CNRIP1: variants seen among roughly 807,000 people sequenced by gnomAD.
The protein encoded by CNRIP1 is cannabinoid receptor interacting protein 1.
Under a neutral mutation model 15.2 loss-of-function variants are expected in CNRIP1, and 10 were observed. That is an observed-to-expected ratio of 0.66 (90% CI 0.41 to 1.12). The LOEUF is 1.12. CNRIP1 is among the 50% of genes most tolerant of loss of function. The pLI, the probability that CNRIP1 is intolerant of heterozygous loss-of-function variation, is 0.00. For synonymous variants in CNRIP1, 91 were observed against 83.2 expected, an observed-to-expected ratio of 1.09 and a Z score of -0.51; for missense variants, 211 against 214.7, an observed-to-expected ratio of 0.98 and a Z score of 0.11.
At chr2:68,314,917 A>G (rs776111195) in intron 2 of CNRIP1, among the ~76,000 whole-genome samples, 5 of 152,100 alleles carry the variant, frequency 3.3e-5, no homozygotes, top group Non-Finnish European at 5.9e-5. Flanking sequence ...TGAGACCATA[A>G]GAGTTCAGAT....
At chr2:68,301,005 T>C (rs1558663883) in intron 2 of CNRIP1, among the ~76,000 whole-genome samples, 1 of 152,228 alleles carries the variant, frequency 6.6e-6, no homozygotes. Context: ...CAATTCCACA[T>C]AAATTCTTTC....
chr2:68,298,142 T>TCAAA (rs1490725734), intron 2 of CNRIP1, among the ~76,000 whole-genome samples: 3 of 152,292 alleles, frequency 2.0e-5, no homozygotes, highest in Non-Finnish European at 4.4e-5. Flanking sequence ...AGTGGTGGTA[T>TCAAA]GTATAAATCA....
chr2:68,284,205 C>T (rs1670972313), exon 3 of CNRIP1: 1 of 360,096 alleles, frequency 2.8e-6, no homozygotes, highest in South Asian at 5.6e-5. Flanking sequence ...ATAAGAATCA[C>T]CTAAAGTGCT....
intron 2 of CNRIP1, among the ~76,000 whole-genome samples, chr2:68,308,075 C>A (rs1558667083): frequency 6.6e-6 from 1 of 152,022 alleles, no homozygotes; most frequent in Non-Finnish European, 1.5e-5. Flanking sequence ...TGGCTGTAGT[C>A]CCAGCTATTC....
At chr2:68,298,018 A>G (rs1416055273) in intron 2 of CNRIP1, among the ~76,000 whole-genome samples, 1 of 152,182 alleles carries the variant, frequency 6.6e-6, no homozygotes, top group African/African-American at 2.4e-5. Context: ...TAAATGGTGA[A>G]ATGGATTTAT....
rs372856314 is a variant in CNRIP1, at chr2:68,287,134, C to A, written c.331-2650G>T. 3.3e-4 allele frequency among the ~76,000 whole-genome samples: 51 copies of A among 152,308 alleles called. 1 individual carries two copies. In the East Asian group the frequency reaches 8.9e-3, roughly 26 times the overall value. On this transcript the variant is annotated intron_variant, in intron 2 of 2. Coordinates refer to the CNRIP1 transcript ENST00000409559. ...AATCCATATTGTGACTTCTAACTTT[C>A]TCTGGCAGGAAATGATTTCTTAGAA...
chr2:68,284,508 T>TAA, intron 2 of CNRIP1: 1 of 1,512,970 alleles, frequency 6.6e-7, no homozygotes, highest in Non-Finnish European at 8.9e-7. Flanking sequence ...GATACCAGAA[T>TAA]AAGTTTGAGA....
chr2:68,305,465 T>C (rs1245462457), intron 2 of CNRIP1, among the ~76,000 whole-genome samples: 1 of 151,594 alleles, frequency 6.6e-6, no homozygotes, highest in Non-Finnish European at 1.5e-5. Flanking sequence ...ATGTCATCAG[T>C]GTGGGTGCCT....
chr2:68,299,331 C>T (rs1326354650), intron 2 of CNRIP1, among the ~76,000 whole-genome samples: 5 of 152,090 alleles, frequency 3.3e-5, no homozygotes, highest in African/African-American at 1.2e-4. Flanking sequence ...CCTCCTCCAA[C>T]CCCAATTCAT....
At chr2:68,290,868 A>G (rs1336338485), downstream of CNRIP1, among the ~76,000 whole-genome samples, 2 of 152,204 alleles carry the variant, frequency 1.3e-5, no homozygotes, top group African/African-American at 4.8e-5. Flanking sequence ...AGGCATTTCT[A>G]TTCTTCCACC....
chr2:68,317,000 C>G, intron 2 of CNRIP1, 157 bp downstream of exon 2: 1 of 881,128 alleles, frequency 1.1e-6, no homozygotes, highest in Non-Finnish European at 1.9e-6. Flanking sequence ...TTAAGTAGTT[C>G]TCTCTCCAGC....
At chr2:68,296,904 G>C (rs1671384703) in intron 2 of CNRIP1, among the ~76,000 whole-genome samples, 1 of 152,092 alleles carries the variant, frequency 6.6e-6, no homozygotes. Flanking sequence ...CTCCCAAAGT[G>C]CTGGCGTGAG....
chr2:68,294,036 G>T lies in CNRIP1; in HGVS notation c.331-10C>A. 1.2e-6 allele frequency: 2 copies of T among 1,612,570 alleles called. No homozygotes were observed. Among genetic ancestry groups the T allele is most frequent in the Non-Finnish European group, 8.5e-7 (1 of 1,178,950 alleles). ...TCCCAATGTCTGTGAACTGAGGGAA[G>T]AGAAACATGCCTGATAAAAAACCTC... On this transcript the variant is annotated splice_polypyrimidine_tract_variant and intron_variant, in intron 2 of 2. Transcript: ENST00000263655.
chr2:68,287,949 A>G (rs1024883628), intron 2 of CNRIP1, among the ~76,000 whole-genome samples: 4 of 152,198 alleles, frequency 2.6e-5, no homozygotes, highest in African/African-American at 9.6e-5. Flanking sequence ...AGAATTCAGA[A>G]ACTTTTTTCT....
chr2:68,310,956 T>A (rs926736757), intron 2 of CNRIP1, among the ~76,000 whole-genome samples: 1 of 151,956 alleles, frequency 6.6e-6, no homozygotes, highest in East Asian at 1.9e-4. Flanking sequence ...GAAGAATCAG[T>A]GAACTTAAGG....
Position 68,293,695 on chromosome 2 carries a change from T to C in CNRIP1, c.*167A>G. On this transcript the variant is annotated 3_prime_UTR_variant, in exon 3 of 3. Transcript: ENST00000263655. ...ACATCACCATCTTGTATGTGAGGGATATTGTGTCAGAGGGGAATTACACTT... is the reference window on the plus strand; with the variant it reads ...ACATCACCATCTTGTATGTGAGGGACATTGTGTCAGAGGGGAATTACACTT... 1 of 1,387,826 alleles carries C rather than the reference T, an allele frequency of 7.2e-7. No homozygotes were observed. Among genetic ancestry groups the C allele is most frequent in the Non-Finnish European group, 9.4e-7 (1 of 1,067,906 alleles). 86.0% of individuals were successfully genotyped at this position (1,387,826 alleles called of 1,614,324 possible). A position where few individuals can be genotyped will look rare whatever the true frequency, so the allele number is the denominator to read the frequency against.
Position 68,293,394 on chromosome 2 carries a change from T to C in CNRIP1, c.*468A>G. 1.0e-6 allele frequency: 1 copy of C among 986,470 alleles called. No individual in the cohort carries two copies. The highest frequency in any genetic ancestry group is 1.2e-6 in the Non-Finnish European group (1 of 830,568). 61.1% of individuals were successfully genotyped at this position (986,470 alleles called of 1,614,324 possible). A position where few individuals can be genotyped will look rare whatever the true frequency, so the allele number is the denominator to read the frequency against. ...TATTACATTTTCACAAAGCCTGCTT[T>C]GAAAGCTGGCAAACACTGCAAGTTA... On this transcript the variant is annotated 3_prime_UTR_variant, in exon 3 of 3. Transcript: ENST00000263655.
chr2:68,317,410 AG>A, intron 1 of CNRIP1, 103 bp from the exon 2 acceptor site: 2 of 1,250,672 alleles, frequency 1.6e-6, no homozygotes, highest in Non-Finnish European at 2.3e-6. Flanking sequence ...GGTTTCACTA[AG>A]GGGGGCATTG....
In CNRIP1 at chr2:68,293,855, G is replaced by C. The variant is rs1671248230; in HGVS notation, c.*7C>G. 8 of 1,612,296 alleles carry C rather than the reference G, an allele frequency of 5.0e-6. No individual in the cohort carries two copies. The highest frequency in any genetic ancestry group is 6.8e-6 in the Non-Finnish European group (8 of 1,178,624). On this transcript the variant is annotated 3_prime_UTR_variant, in exon 3 of 3. Coordinates refer to ENST00000263655, the MANE Select transcript of CNRIP1 (RefSeq NM_015463.3). Reference sequence around the variant, plus strand: ...AGATTGTCCAGTAGCATCAGAAAGAGCCACTTTCAGAGGAAGGACTCCTTG... The same window carrying C: ...AGATTGTCCAGTAGCATCAGAAAGACCCACTTTCAGAGGAAGGACTCCTTG...
Sources: allele counts gnomAD v4.1 joint callset (sites outside exome capture counted in the v4.1 genomes callset), GRCh38; gene constraint gnomAD v4.1.1; transcripts MANE v1.5; gene names NCBI Gene and HGNC (gene_info 2026-07-23, HGNC 2026-07-21).